Variants in PPP1R12B observed in about 807,000 individuals in gnomAD.
PPP1R12B encodes the protein myosin phosphatase target subunit 2.
A neutral mutation model predicts 126.1 loss-of-function variants in PPP1R12B; 76 were observed. The observed-to-expected ratio is 0.60, with a 90% CI of 0.50 to 0.73. The LOEUF (loss-of-function observed/expected upper bound fraction) is 0.73, where lower values mean the gene tolerates loss of function less well. Among genes scored for constraint, PPP1R12B ranks in the 30% least tolerant of loss-of-function variants. The pLI is 0.00. For synonymous variants in PPP1R12B, 356 were observed against 434.7 expected, an observed-to-expected ratio of 0.82 and a Z score of 2.25; for missense variants, 1,052 against 1,205.1, an observed-to-expected ratio of 0.87 and a Z score of 1.88.
intron 13 of PPP1R12B, among the ~76,000 whole-genome samples, chr1:202,488,147 C>A (rs1678401600): frequency 6.6e-6 from 1 of 152,226 alleles, no homozygotes; most frequent in African/African-American, 2.4e-5. Context: ...TGAACATAAA[C>A]ACCGTGATAT....
At chr1:202,404,552 A>C (rs1666316397) in intron 1 of PPP1R12B, among the ~76,000 whole-genome samples, 1 of 151,796 alleles carries the variant, frequency 6.6e-6, no homozygotes. Flanking sequence ...CCCAGGCTGG[A>C]GTGCAGTGGC....
chr1:202,522,408 A>G (rs1682870444), intron 18 of PPP1R12B, among the ~76,000 whole-genome samples: 1 of 152,038 alleles, frequency 6.6e-6, no homozygotes, highest in Non-Finnish European at 1.5e-5. Context: ...ATATATTTAA[A>G]TAAGTATGTT....
intron 15 of PPP1R12B, among the ~76,000 whole-genome samples, chr1:202,494,941 A>T (rs1445596682): frequency 3.9e-5 from 6 of 152,008 alleles, no homozygotes; most frequent in Non-Finnish European, 8.8e-5. Context: ...TCAGCCCTCC[A>T]TCTTAAAAAG....
chr1:202,479,349 G>A (rs1343228719), intron 13 of PPP1R12B, among the ~76,000 whole-genome samples: 1 of 152,174 alleles, frequency 6.6e-6, no homozygotes, highest in Non-Finnish European at 1.5e-5. Flanking sequence ...TAAGAAAAAA[G>A]TTTTTGAAGG....
chr1:202,440,645 AATGTTTT>A, intron 10 of PPP1R12B, 54 bp from the exon 11 acceptor site: 1 of 1,274,198 alleles, frequency 7.8e-7, no homozygotes, highest in East Asian at 2.3e-5. Context: ...TTTTACTCAA[AATGTTTT>A]ATGCTGTGCC....
chr1:202,468,604 T>G (rs934275937), intron 13 of PPP1R12B, among the ~76,000 whole-genome samples: 2 of 152,196 alleles, frequency 1.3e-5, no homozygotes, highest in African/African-American at 4.8e-5. Context: ...ACTTAATATG[T>G]CCAGCTCCCT....
In PPP1R12B at chr1:202,431,698, G is replaced by A. The variant is rs568012077; in HGVS notation, c.1141+79G>A. On this transcript the variant is annotated intron_variant, in intron 8 of 23. Coordinates refer to ENST00000608999, the MANE Select transcript of PPP1R12B (RefSeq NM_002481.4). ...TTACTCCTTGTCAGAGAGCTAGCCA[G>A]GCCTCACAGGACTCCAAAAAGAGCT... The A allele has an allele frequency of 2.1e-3, 2,880 of 1,363,402 alleles. 4 individuals are homozygous for A. The highest frequency in any genetic ancestry group is 2.5e-3 in the Admixed American group (100 of 39,760). The allele number at this position is 1,363,402 out of a possible 1,614,324, so 84.5% of individuals were successfully genotyped here. A position where few individuals can be genotyped will look rare whatever the true frequency, so the allele number is the denominator to read the frequency against.
At chr1:202,388,268 C>G (rs1024532642) in intron 1 of PPP1R12B, among the ~76,000 whole-genome samples, 1 of 152,198 alleles carries the variant, frequency 6.6e-6, no homozygotes, top group Non-Finnish European at 1.5e-5. Context: ...ACTGCAAGCT[C>G]TGCCTCCTGA....
intron 20 of PPP1R12B, among the ~76,000 whole-genome samples, chr1:202,563,760 A>G (rs1687769028): frequency 6.6e-6 from 1 of 152,204 alleles, no homozygotes; most frequent in Admixed American, 6.5e-5. Flanking sequence ...TACCAGGAAA[A>G]ACTATTTTTG....
At position 202,496,791 on chromosome 1, in the gene PPP1R12B, C is replaced by T. The variant is rs1679615844; in HGVS notation, c.2459C>T (p.Thr820Ile). Residue 820 changes from threonine to isoleucine, a missense_variant, in exon 18 of 24, where the codon ACT becomes ATT. Coordinates refer to ENST00000608999, the MANE Select transcript of PPP1R12B (RefSeq NM_002481.4). ...INFWTKDEDE[T>I]DGSEEVKETW... Reference sequence around the variant, plus strand: ...CCTTTTCTTTTTTAGGAGGATGAAACTGATGGCTCTGAAGAGGTCAAAGAA... The same window carrying T: ...CCTTTTCTTTTTTAGGAGGATGAAATTGATGGCTCTGAAGAGGTCAAAGAA... The T allele has an allele frequency of 6.2e-7, 1 of 1,612,030 alleles. No individual in the cohort carries two copies. The highest frequency in any genetic ancestry group is 1.3e-5 in the African/African-American group (1 of 74,834).
At chr1:202,506,082 C>T (rs967691861) in intron 18 of PPP1R12B, among the ~76,000 whole-genome samples, 2 of 152,106 alleles carry the variant, frequency 1.3e-5, no homozygotes, top group African/African-American at 4.8e-5. Context: ...GATGACGATG[C>T]GCAGTCCCAG....
chr1:202,451,649 C>T (rs1217121598), intron 13 of PPP1R12B, among the ~76,000 whole-genome samples: 3 of 152,148 alleles, frequency 2.0e-5, no homozygotes, highest in Non-Finnish European at 4.4e-5. Flanking sequence ...ACAAAACCGC[C>T]ATTGTCATCA....
Position 202,438,333 on chromosome 1 carries a change from G to T in PPP1R12B, c.1458+309G>T, listed in dbSNP as rs567128918. 1.2e-4 allele frequency: 150 copies of T among 1,238,034 alleles called. No individual in the cohort carries two copies. The African/African-American group carries it at 2.1e-3, about 17-fold the overall frequency. The allele number at this position is 1,238,034 out of a possible 1,614,324, so 76.7% of individuals were successfully genotyped here. ...CATAAAAATTTCAGTATGGCGGAGGGGGGCACAGGACCCCAGGTAGGGGTC... is the reference window on the plus strand; with the variant it reads ...CATAAAAATTTCAGTATGGCGGAGGTGGGCACAGGACCCCAGGTAGGGGTC... On this transcript the variant is annotated intron_variant, in intron 10 of 23. Coordinates refer to ENST00000608999, the MANE Select transcript of PPP1R12B (RefSeq NM_002481.4).
intron 19 of PPP1R12B, among the ~76,000 whole-genome samples, chr1:202,559,526 A>G (rs1422108004): frequency 1.3e-5 from 2 of 152,218 alleles, no homozygotes; most frequent in Non-Finnish European, 2.9e-5. Context: ...CCTAGTATCT[A>G]AGGGTACAAA....
chr1:202,356,878 G>A (rs531890893), intron 1 of PPP1R12B, among the ~76,000 whole-genome samples: 21 of 150,614 alleles, frequency 1.4e-4, no homozygotes, highest in African/African-American at 2.2e-4. Context: ...CTGGAGTGCA[G>A]TGGCACAATC....
intron 10 of PPP1R12B, chr1:202,438,827 G>T (rs549988089): frequency 1.3e-5 from 12 of 915,788 alleles, no homozygotes; most frequent in East Asian, 7.2e-5. Flanking sequence ...TCACGGACGT[G>T]GGGGAGACGG....
intron 22 of PPP1R12B, among the ~76,000 whole-genome samples, chr1:202,568,470 C>G (rs992647873): frequency 6.6e-6 from 1 of 152,120 alleles, no homozygotes; most frequent in African/African-American, 2.4e-5. Context: ...TAATATGTTC[C>G]CATCTGTCCT....
intron 1 of PPP1R12B, among the ~76,000 whole-genome samples, chr1:202,353,586 T>TGTG: frequency 8.3e-6 from 1 of 120,788 alleles, no homozygotes; most frequent in Non-Finnish European, 1.7e-5. Context: ...TTCTTCTTCT[T>TGTG]TGTGTGTGTG....
In PPP1R12B at chr1:202,388,107, T is replaced by C. The variant is rs1663461233; in HGVS notation, c.292-28680T>C. ...AATGTAATGGGAAAGAGGATCCTGT[T>C]CATAGAAGCAGCAAAAAAAAAAAAA... On this transcript the variant is annotated intron_variant, in intron 1 of 23. Coordinates refer to ENST00000608999, the MANE Select transcript of PPP1R12B (RefSeq NM_002481.4). Among the ~76,000 whole-genome samples, 7 of 149,930 alleles carry C rather than the reference T, an allele frequency of 4.7e-5. No homozygotes were observed. The South Asian group carries it at 1.5e-3, about 31-fold the overall frequency.
Sources: allele counts gnomAD v4.1 joint callset (sites outside exome capture counted in the v4.1 genomes callset), GRCh38; gene constraint gnomAD v4.1.1; transcripts MANE v1.5; gene names NCBI Gene and HGNC (gene_info 2026-07-23, HGNC 2026-07-21).